The following FGF10 variants were observed in gnomAD, a reference collection of about 807,000 sequenced individuals.
The protein encoded by FGF10 is FGF-10.
Under a neutral mutation model 19.8 loss-of-function variants are expected in FGF10, and 2 were observed. The ratio of observed to expected loss-of-function variants is 0.10; its 90% CI spans 0.04 to 0.32. The LOEUF is 0.32. Ranked by LOEUF, FGF10 falls within the 10% of genes least tolerant of loss-of-function variation. FGF10 has a pLI of 1.00. For missense variants in FGF10, 191 were observed against 246.3 expected, an observed-to-expected ratio of 0.78 and a Z score of 1.50; for synonymous variants, 112 against 94.0, an observed-to-expected ratio of 1.19 and a Z score of -1.10.
intron 1 of FGF10, among the ~76,000 whole-genome samples, chr5:44,378,600 T>G (rs1380286487): frequency 6.6e-6 from 1 of 152,050 alleles, no homozygotes; most frequent in Non-Finnish European, 1.5e-5. Context: ...CCCGGCTAAT[T>G]TTTTGTATTT....
chr5:44,332,406 C>G (rs973922459), intron 1 of FGF10, among the ~76,000 whole-genome samples: 1 of 152,130 alleles, frequency 6.6e-6, no homozygotes, highest in African/African-American at 2.4e-5. Context: ...TTTCATTAAT[C>G]TCACATGTTG....
intron 1 of FGF10, among the ~76,000 whole-genome samples, chr5:44,359,407 G>A (rs1741424690): frequency 6.6e-6 from 1 of 151,440 alleles, no homozygotes; most frequent in Non-Finnish European, 1.5e-5. Flanking sequence ...TCATTGCATA[G>A]CATTCCAGGA....
At position 44,320,334 on chromosome 5, in the gene FGF10, T is replaced by C. The variant is rs1396385127; in HGVS notation, c.326-9804A>G. On this transcript the variant is annotated intron_variant, in intron 1 of 2. Coordinates refer to ENST00000264664, the MANE Select transcript of FGF10 (RefSeq NM_004465.2). Reference sequence around the variant, plus strand: ...CCCATCCATTATTGTATTTACCACTTCCACCCATGCTTCTTTCCTGCACTG... The same window carrying C: ...CCCATCCATTATTGTATTTACCACTCCCACCCATGCTTCTTTCCTGCACTG... Among the ~76,000 whole-genome samples, 19 of 152,146 alleles carry C rather than the reference T, an allele frequency of 1.2e-4. 1 individual carries two copies. The highest frequency in any genetic ancestry group is 1.2e-3 in the Admixed American group (19 of 15,262).
chr5:44,364,531 C>A (rs1221100124), intron 1 of FGF10, among the ~76,000 whole-genome samples: 2 of 151,768 alleles, frequency 1.3e-5, no homozygotes, highest in African/African-American at 4.8e-5. Flanking sequence ...CAGGCTCCTA[C>A]CACAAAGAAT....
chr5:44,388,068 C>T (rs1446766234), intron 1 of FGF10, among the ~76,000 whole-genome samples: 2 of 151,736 alleles, frequency 1.3e-5, no homozygotes, highest in Non-Finnish European at 2.9e-5. Context: ...ACTGCAACAA[C>T]TCTCTTGAGC....
intron 1 of FGF10, among the ~76,000 whole-genome samples, chr5:44,323,854 T>C (rs1740552502): frequency 6.6e-6 from 1 of 152,136 alleles, no homozygotes; most frequent in Non-Finnish European, 1.5e-5. Context: ...AAAAACATGA[T>C]CTATCTGATC....
At chr5:44,383,084 T>C (rs933479777) in intron 1 of FGF10, among the ~76,000 whole-genome samples, 21 of 152,112 alleles carry the variant, frequency 1.4e-4, no homozygotes, top group Admixed American at 1.0e-3. Context: ...AGGAAAGATG[T>C]AGTTATTCAC....
In FGF10 at chr5:44,304,089, C is replaced by A. The variant is rs915231076; in HGVS notation, c.*906G>T. 21 of 152,090 alleles carry A rather than the reference C, an allele frequency of 1.4e-4. No homozygotes were observed. The highest frequency in any genetic ancestry group is 5.1e-4 in the African/African-American group (21 of 41,430). The allele number at this position is 152,090 out of a possible 1,614,324, so 9.4% of individuals were successfully genotyped here. ...AGTAATATATGTTTTCAAATGATAG[C>A]AGACATCTCTCACTCAAGCCATGGC... On this transcript the variant is annotated 3_prime_UTR_variant, in exon 3 of 3. Coordinates refer to ENST00000264664, the MANE Select transcript of FGF10 (RefSeq NM_004465.2).
At chr5:44,326,174 A>G (rs185648251) in intron 1 of FGF10, among the ~76,000 whole-genome samples, 1 of 152,280 alleles carries the variant, frequency 6.6e-6, no homozygotes, top group African/African-American at 2.4e-5. Flanking sequence ...CTATTAAGCA[A>G]TTTTTCCTTA....
At chr5:44,354,775 G>A (rs1741309275) in intron 1 of FGF10, among the ~76,000 whole-genome samples, 1 of 151,514 alleles carries the variant, frequency 6.6e-6, no homozygotes, top group African/African-American at 2.4e-5. Flanking sequence ...CAGTGCTACT[G>A]ATTCAGCTGC....
intron 1 of FGF10, among the ~76,000 whole-genome samples, chr5:44,333,412 C>T (rs1740781312): frequency 6.6e-6 from 1 of 152,124 alleles, no homozygotes; most frequent in Non-Finnish European, 1.5e-5. Context: ...CCAGCAGTGG[C>T]ATTTTGTCAT....
At chr5:44,374,158 G>A (rs1741803791) in intron 1 of FGF10, among the ~76,000 whole-genome samples, 1 of 152,046 alleles carries the variant, frequency 6.6e-6, no homozygotes, top group South Asian at 2.1e-4. Flanking sequence ...TGACTCCTTT[G>A]TCCATCTTCA....
At chr5:44,384,582 C>T (rs1742056108) in intron 1 of FGF10, among the ~76,000 whole-genome samples, 2 of 151,982 alleles carry the variant, frequency 1.3e-5, no homozygotes, top group Non-Finnish European at 2.9e-5. Context: ...CAGAAAGGTA[C>T]AATAAGAAAG....
intron 1 of FGF10, among the ~76,000 whole-genome samples, chr5:44,371,793 G>A (rs1212755809): frequency 3.3e-5 from 5 of 152,060 alleles, no homozygotes; most frequent in African/African-American, 2.4e-5. Flanking sequence ...TCCATTATAA[G>A]CCTGATACTT....
intron 1 of FGF10, among the ~76,000 whole-genome samples, chr5:44,315,537 A>T (rs1740321067): frequency 6.6e-6 from 1 of 152,166 alleles, no homozygotes; most frequent in African/African-American, 2.4e-5. Flanking sequence ...CTTTCCAAAA[A>T]AAAATTATTG....
intron 1 of FGF10, among the ~76,000 whole-genome samples, chr5:44,380,609 T>A (rs1019760604): frequency 2.0e-5 from 3 of 152,214 alleles, no homozygotes; most frequent in African/African-American, 7.2e-5. Context: ...TAAGTGCCAT[T>A]CTGGAAGTTG....
intron 1 of FGF10, among the ~76,000 whole-genome samples, chr5:44,327,352 A>G (rs1740638605): frequency 6.6e-6 from 1 of 152,156 alleles, no homozygotes; most frequent in Non-Finnish European, 1.5e-5. Flanking sequence ...TATTCTGCTC[A>G]GTCTTTTTCT....
At chr5:44,363,361 G>A (rs887062526) in intron 1 of FGF10, among the ~76,000 whole-genome samples, 1 of 151,758 alleles carries the variant, frequency 6.6e-6, no homozygotes, top group Non-Finnish European at 1.5e-5. Flanking sequence ...AAATGAAATG[G>A]GAATTTTAAC....
intron 1 of FGF10, among the ~76,000 whole-genome samples, chr5:44,371,357 A>G (rs957954468): frequency 3.3e-5 from 5 of 152,158 alleles, no homozygotes; most frequent in South Asian, 2.1e-4. Context: ...CTTCAGAAGT[A>G]TAAGAAACAA....
Sources: allele counts gnomAD v4.1 joint callset (sites outside exome capture counted in the v4.1 genomes callset), GRCh38; gene constraint gnomAD v4.1.1; transcripts MANE v1.5; gene names NCBI Gene and HGNC (gene_info 2026-07-23, HGNC 2026-07-21).